Variants in VPS37A observed in about 807,000 individuals in gnomAD.
VPS37A encodes vacuolar protein sorting-associated protein 37A.
In VPS37A, 30 loss-of-function variants were observed where a neutral mutation model predicts 49.8. The observed-to-expected ratio is 0.60, with a 90% CI of 0.45 to 0.82. The LOEUF is 0.82. Among genes scored for constraint, VPS37A ranks in the 40% least tolerant of loss-of-function variants. The pLI is 0.00. For missense variants in VPS37A, 593 were observed against 464.4 expected, an observed-to-expected ratio of 1.28 and a Z score of -2.55; for synonymous variants, 195 against 160.6, an observed-to-expected ratio of 1.21 and a Z score of -1.62.
rs1814368585 is a variant in VPS37A at position 17,274,897 on chromosome 8, C to T, written c.581C>T (p.Pro194Leu). ...CATACCACAGCCAAGCCTGCCGCTC[C>T]TTCATTTGGTGTCCTTTCAAATCTG... Reference protein sequence around the residue: ...TSHTTAKPAAPSFGVLSNLPL... With the variant: ...TSHTTAKPAALSFGVLSNLPL... The change falls in exon 5 of 12, where the codon CCT becomes CTT. Residue 194 changes from proline to leucine, a missense_variant. By Grantham distance (98) the Pro-to-Leu change is moderately conservative. Coordinates refer to ENST00000324849, the MANE Select transcript of VPS37A (RefSeq NM_152415.3). The T allele has an allele frequency of 6.2e-7, 1 of 1,614,144 alleles. No individual in the cohort carries two copies. Among genetic ancestry groups the T allele is most frequent in the Non-Finnish European group, 8.5e-7 (1 of 1,180,016 alleles).
At chr8:17,276,223 A>C (rs566111633) in intron 5 of VPS37A, among the ~76,000 whole-genome samples, 174 bp from the exon 6 acceptor site, 4 of 152,290 alleles carry the variant, frequency 2.6e-5, no homozygotes, top group African/African-American at 9.6e-5. Flanking sequence ...CGACGCTGAA[A>C]AGAAGACAGA....
chr8:17,272,209 A>G, intron 4 of VPS37A: 1 of 387,608 alleles, frequency 2.6e-6, no homozygotes, highest in East Asian at 7.3e-5. Context: ...GACCTTCATA[A>G]TCTTCTGAGG....
intron 4 of VPS37A, among the ~76,000 whole-genome samples, chr8:17,271,331 C>T (rs922051339): frequency 4.6e-5 from 7 of 152,066 alleles, no homozygotes; most frequent in Admixed American, 1.3e-4. Flanking sequence ...ATTGGCTGGG[C>T]GCGGTGGCTC....
chr8:17,278,340 A>C (rs1814719561), intron 6 of VPS37A, among the ~76,000 whole-genome samples: 1 of 152,138 alleles, frequency 6.6e-6, no homozygotes, highest in African/African-American at 2.4e-5. Context: ...CATTACCACC[A>C]GAATTTATTA....
intron 4 of VPS37A, among the ~76,000 whole-genome samples, chr8:17,274,206 C>T (rs907919320): frequency 9.2e-5 from 14 of 152,158 alleles, no homozygotes; most frequent in South Asian, 4.1e-4. Context: ...AATATACATG[C>T]GTGTTTATAT....
intron 11 of VPS37A, among the ~76,000 whole-genome samples, chr8:17,290,969 C>T (rs1816082890): frequency 6.6e-6 from 1 of 152,078 alleles, no homozygotes; most frequent in Admixed American, 6.6e-5. Context: ...TTATAGTATT[C>T]TCTGATGGTA....
chr8:17,273,730 A>G (rs976792122), intron 4 of VPS37A, among the ~76,000 whole-genome samples: 9 of 151,714 alleles, frequency 5.9e-5, no homozygotes, highest in Non-Finnish European at 1.3e-4. Context: ...TTTTCTTTCT[A>G]CTGTGGCTTA....
chr8:17,294,227 C>G (rs916598768), intron 11 of VPS37A, among the ~76,000 whole-genome samples: 30 of 152,322 alleles, frequency 2.0e-4, no homozygotes, highest in Non-Finnish European at 3.5e-4. Context: ...CCAGTCCAAA[C>G]TTCCCGGAGG....
intron 1 of VPS37A, among the ~76,000 whole-genome samples, chr8:17,257,277 G>C (rs1437934769): frequency 6.6e-6 from 1 of 152,148 alleles, no homozygotes; most frequent in African/African-American, 2.4e-5. Context: ...TGGTCTGTGT[G>C]TTTGTTTTTA....
intron 5 of VPS37A, 94 bp from the exon 6 acceptor site, chr8:17,276,303 T>C (rs781747321): frequency 3.3e-6 from 3 of 918,198 alleles, no homozygotes; most frequent in African/African-American, 1.7e-5. Flanking sequence ...CAAACAGTTA[T>C]GGGATATAGT....
chr8:17,312,817 C>T, the VPS37A span, among the ~76,000 whole-genome samples: 4 of 152,174 alleles, frequency 2.6e-5, no homozygotes, highest in East Asian at 5.8e-4. Flanking sequence ...TTAAAAAAAA[C>T]TGAACAACAC....
chr8:17,300,341 C>T, downstream of VPS37A: 1 of 1,152,830 alleles, frequency 8.7e-7, no homozygotes. Context: ...GAACATGTGA[C>T]TCAGAGGGAT....
the VPS37A span, among the ~76,000 whole-genome samples, chr8:17,323,149 T>C: frequency 5.3e-5 from 8 of 151,880 alleles, no homozygotes; most frequent in East Asian, 1.6e-3. Context: ...GGTTTCACCA[T>C]GTCGGACAGC....
intron 3 of VPS37A, 54 bp from the exon 4 acceptor site, chr8:17,268,802 C>G (rs1412122568): frequency 1.7e-6 from 2 of 1,206,042 alleles, no homozygotes; most frequent in Non-Finnish European, 2.4e-6. Context: ...CCTAATGAGA[C>G]TTTATAATCT....
intron 11 of VPS37A, among the ~76,000 whole-genome samples, chr8:17,287,467 G>A (rs1029982798): frequency 1.3e-5 from 2 of 152,038 alleles, no homozygotes; most frequent in African/African-American, 2.4e-5. Context: ...ATGGTCAAGA[G>A]ATCGAGACCA....
At position 17,264,114 on chromosome 8, in the gene VPS37A, G is replaced by T. The variant is rs1813222348; in HGVS notation, c.126-1793G>T. Among the ~76,000 whole-genome samples the T allele has an allele frequency of 2.0e-5, 3 of 151,980 alleles. No homozygotes were observed. In the South Asian group the frequency reaches 6.2e-4, roughly 32 times the overall value. On this transcript the variant is annotated intron_variant, in intron 1 of 11. Transcript: ENST00000324849. The stretch of plus-strand genomic sequence containing the variant: ...ATCTAACAAATCTTTTAGGTGGGTA[G>T]ATTTTTTTTAACATCTCCCTTTCCC...
intron 2 of VPS37A, among the ~76,000 whole-genome samples, chr8:17,267,508 G>C (rs548079136): frequency 6.6e-6 from 1 of 151,694 alleles, no homozygotes; most frequent in African/African-American, 2.4e-5. Flanking sequence ...TGTTCTTTAC[G>C]TGAAACCATG....
chr8:17,305,332 T>C (rs1817380883), downstream of VPS37A, among the ~76,000 whole-genome samples: 1 of 152,248 alleles, frequency 6.6e-6, no homozygotes, highest in African/African-American at 2.4e-5. Context: ...TATCTACTTT[T>C]ACCCTTGGAT....
At chr8:17,310,991 C>T in the VPS37A span, among the ~76,000 whole-genome samples, 2 of 152,160 alleles carry the variant, frequency 1.3e-5, no homozygotes, top group Non-Finnish European at 2.9e-5. Context: ...ATATACTCGT[C>T]ATTTCAGCAA....
Sources: allele counts gnomAD v4.1 joint callset (sites outside exome capture counted in the v4.1 genomes callset), GRCh38; gene constraint gnomAD v4.1.1; transcripts MANE v1.5; gene names NCBI Gene and HGNC (gene_info 2026-07-23, HGNC 2026-07-21).